PRPF31: variants seen among roughly 807,000 people sequenced by gnomAD.
PRPF31 encodes the protein U4/U6 small nuclear ribonucleoprotein Prp31.
In PRPF31, 12 loss-of-function variants were observed where a neutral mutation model predicts 60.4. The observed-to-expected ratio is 0.20, with a 90% CI of 0.13 to 0.32. The LOEUF (loss-of-function observed/expected upper bound fraction) is 0.32. Ranked by LOEUF, PRPF31 falls within the 10% of genes least tolerant of loss-of-function variation. The pLI, the probability that PRPF31 is intolerant of heterozygous loss-of-function variation, is 1.00. For missense variants in PRPF31, 431 were observed against 687.1 expected, an observed-to-expected ratio of 0.63 and a Z score of 4.17; for synonymous variants, 287 against 287.9, an observed-to-expected ratio of 1.00 and a Z score of 0.03.
rs761669953 is a variant in PRPF31, at chr19:54,131,363, G to A, written c.1431G>A (p.Gln477=). Residue 477 remains glutamine (Q), a synonymous_variant, in exon 14 of 14, where the codon CAG becomes CAA. Coordinates refer to ENST00000321030, the MANE Select transcript of PRPF31 (RefSeq NM_015629.4). ...AAEKKVAEAN[Q]KYFSSMAEFL... is the part of the protein sequence containing the mutation. ...AGAAGAAGGTGGCTGAGGCCAACCA[G>A]AAGTATTTCTCCAGCATGGCTGAGT... 25 of 1,613,976 alleles carry A rather than the reference G, an allele frequency of 1.5e-5. No individual in the cohort carries two copies. Among genetic ancestry groups the A allele is most frequent in the Non-Finnish European group, 1.9e-5 (23 of 1,180,032 alleles).
intron 3 of PRPF31, 48 bp downstream of exon 3, chr19:54,118,681 C>T (rs587735995): frequency 6.3e-7 from 1 of 1,597,520 alleles, no homozygotes; most frequent in Admixed American, 1.7e-5. Flanking sequence ...TCTCTCCTGC[C>T]AGGCCCCCTG....
At chr19:54,120,682 C>G (rs2073763574) in intron 3 of PRPF31, among the ~76,000 whole-genome samples, 1 of 152,206 alleles carries the variant, frequency 6.6e-6, no homozygotes, top group Non-Finnish European at 1.5e-5. Context: ...ACGATCCCAG[C>G]TCACTGCAGC....
At chr19:54,120,219 C>G (rs587688054) in intron 3 of PRPF31, 3 of 152,340 alleles carry the variant, frequency 2.0e-5, no homozygotes, top group African/African-American at 7.2e-5. Flanking sequence ...AGATGCCAGG[C>G]CAAGGAATTT....
chr19:54,128,972 G>C, intron 11 of PRPF31, 85 bp from the exon 12 acceptor site: 2 of 1,409,838 alleles, frequency 1.4e-6, no homozygotes, highest in South Asian at 2.5e-5. Context: ...TGACCGCTGG[G>C]CTTCGGGCTG....
chr19:54,124,694 CT>C lies in PRPF31; in HGVS notation c.855+39del, dbSNP rs767276908. On this transcript the variant is annotated intron_variant, in intron 8 of 13. Transcript: ENST00000321030. ...CGTCATGGCCCCTCCCCCGGCCCCC[CT>C]GGAGCCTTCCGCTGTGCCCAGACAG... The C allele has an allele frequency of 5.0e-6, 8 of 1,602,466 alleles. No homozygotes were observed. In the East Asian group the frequency reaches 1.1e-4, roughly 22 times the overall value.
chr19:54,128,481 G>A, intron 11 of PRPF31, 104 bp downstream of exon 11: 1 of 1,201,140 alleles, frequency 8.3e-7, no homozygotes, highest in South Asian at 1.3e-5. Context: ...CCTGGCTCAT[G>A]TCTAGGGCGC....
At chr19:54,131,175 C>T (rs2074040120) in intron 13 of PRPF31, 132 bp from the exon 14 acceptor site, 4 of 1,322,164 alleles carry the variant, frequency 3.0e-6, no homozygotes, top group Admixed American at 1.7e-5. Context: ...AGGGCAACTC[C>T]AGGGACAGGC....
At chr19:54,128,497 C>A (rs2073975068) in intron 11 of PRPF31, 120 bp downstream of exon 11, 3 of 1,026,138 alleles carry the variant, frequency 2.9e-6, no homozygotes, top group Non-Finnish European at 4.4e-6. Flanking sequence ...GGCGCTGCCC[C>A]AGCCTCCCCC....
chr19:54,121,615 G>A (rs1315332586), intron 3 of PRPF31, among the ~76,000 whole-genome samples: 12 of 152,166 alleles, frequency 7.9e-5, no homozygotes, highest in Admixed American at 4.6e-4. Flanking sequence ...GTGGGGAGCC[G>A]TAGGAGGTTT....
Position 54,131,578 on chromosome 19 carries a change from G to T in PRPF31, c.*146G>T. Reference sequence around the variant, plus strand: ...ACTGCCCAGGGAGGAGGCCTTGGAAGAGTCCGGCCTGGCCTCCCCCAGGAC... The same window carrying T: ...ACTGCCCAGGGAGGAGGCCTTGGAATAGTCCGGCCTGGCCTCCCCCAGGAC... On this transcript the variant is annotated 3_prime_UTR_variant, in exon 14 of 14. Transcript: ENST00000321030. 7.6e-7 allele frequency: 1 copy of T among 1,308,608 alleles called. No individual in the cohort carries two copies. Among genetic ancestry groups the T allele is most frequent in the Non-Finnish European group, 1.1e-6 (1 of 935,308 alleles). The allele number at this position is 1,308,608 out of a possible 1,614,324, so 81.1% of individuals were successfully genotyped here. A position where few individuals can be genotyped will look rare whatever the true frequency, so the allele number is the denominator to read the frequency against.
intron 11 of PRPF31, 60 bp downstream of exon 11, chr19:54,128,437 C>A: frequency 1.4e-6 from 2 of 1,464,974 alleles, no homozygotes; most frequent in Non-Finnish European, 1.9e-6. Context: ...CCGCCCTCTG[C>A]CTCCTGCCAC....
chr19:54,130,486 G>A (rs1328006160), intron 13 of PRPF31, among the ~76,000 whole-genome samples: 5 of 152,186 alleles, frequency 3.3e-5, no homozygotes, highest in Admixed American at 1.3e-4. Context: ...TTAGCCGGGC[G>A]TGGTGGCGGG....
At position 54,121,914 on chromosome 19, in the gene PRPF31, A is replaced by G. The variant is rs1474353720; in HGVS notation, c.293A>G (p.Asn98Ser). ...TACCGCGTCATCGTGGATGCCAACAACCTGACCGTGGAGATCGAAAACGAG... is the reference window on the plus strand; with the variant it reads ...TACCGCGTCATCGTGGATGCCAACAGCCTGACCGTGGAGATCGAAAACGAG... Reference protein sequence around the residue: ...PEYRVIVDANNLTVEIENELN... With the variant: ...PEYRVIVDANSLTVEIENELN... The change falls in exon 4 of 14, where the codon AAC becomes AGC. Residue 98 changes from asparagine to serine, a missense_variant. By Grantham distance (46) the Asn-to-Ser change is conservative. This residue lies in a region of PRPF31 where 113 missense variants were observed against 173.8 expected (regional missense o/e 0.65). Coordinates refer to ENST00000321030, the MANE Select transcript of PRPF31 (RefSeq NM_015629.4). The G allele has an allele frequency of 6.2e-7, 1 of 1,612,926 alleles. No individual in the cohort carries two copies. The highest frequency in any genetic ancestry group is 2.2e-5 in the East Asian group (1 of 44,850).
intron 13 of PRPF31, among the ~76,000 whole-genome samples, chr19:54,130,487 T>C (rs1335098544): frequency 6.6e-6 from 1 of 151,878 alleles, no homozygotes; most frequent in Non-Finnish European, 1.5e-5. Flanking sequence ...TAGCCGGGCG[T>C]GGTGGCGGGC....
Position 54,118,428 on chromosome 19 carries a change from C to T in PRPF31, c.150C>T (p.Thr50=). 1 of 1,614,090 alleles carries T rather than the reference C, an allele frequency of 6.2e-7. No individual in the cohort carries two copies. Among genetic ancestry groups the T allele is most frequent in the Non-Finnish European group, 8.5e-7 (1 of 1,180,028 alleles). Residue 50 remains threonine (T), a synonymous_variant, in exon 2 of 14, where the codon ACC becomes ACT. Coordinates refer to ENST00000321030, the MANE Select transcript of PRPF31 (RefSeq NM_015629.4). ...QLDLSGDSVK[T]IAKLWDSKMF... ...ATCTTTCCGGGGATTCAGTCAAGAC[C>T]ATCGCCAAGCTATGGGATAGTAAGA...
chr19:54,116,452 C>T (rs1430434355), intron 1 of PRPF31, among the ~76,000 whole-genome samples: 1 of 152,136 alleles, frequency 6.6e-6, no homozygotes, highest in Non-Finnish European at 1.5e-5. Context: ...ATGATCCACC[C>T]GCCTGGGCCT....
intron 7 of PRPF31, 23 bp from the exon 8 acceptor site, chr19:54,124,476 T>A (rs1248977997): frequency 7.3e-7 from 1 of 1,371,208 alleles, no homozygotes; most frequent in African/African-American, 1.5e-5. Flanking sequence ...CCGCCCCCCC[T>A]TCCTCCCTCC....
Position 54,129,095 on chromosome 19 carries a change from C to T in PRPF31, c.1185C>T (p.Ser395=), listed in dbSNP as rs768577073. 9 of 1,579,656 alleles carry T rather than the reference C, an allele frequency of 5.7e-6. No homozygotes were observed. The Admixed American group carries it at 1.5e-4, about 26-fold the overall frequency. The change falls in exon 12 of 14, where the codon AGC becomes AGT. Residue 395 remains serine (S), a synonymous_variant. Transcript: ENST00000321030. ...EDAYQEDLGF[S]LGHLGKSGSG... ...CCTACCAGGAGGACCTGGGATTCAG[C>T]CTGGGCCACCTGGGCAAGTCGGGCA...
At chr19:54,126,312 T>C (rs587713718) in intron 8 of PRPF31, among the ~76,000 whole-genome samples, 1 of 152,298 alleles carries the variant, frequency 6.6e-6, no homozygotes, top group Admixed American at 6.5e-5. Flanking sequence ...CCTTACCTGA[T>C]GGCCACTTAT....
Sources: gnomAD v4.1 joint callset for allele counts (sites outside exome capture counted in the v4.1 genomes callset) on GRCh38, gnomAD v4.1.1 for gene constraint, gnomAD v4.1.1 regional missense constraint, MANE v1.5 for transcripts, NCBI Gene and HGNC (gene_info 2026-07-23, HGNC 2026-07-21) for gene names.